Variants in INPP4B observed in about 807,000 individuals in gnomAD.
INPP4B encodes the protein inositol polyphosphate-4-phosphatase type II B, also known as inositol polyphosphate 4-phosphatase type II.
Under a neutral mutation model 122.5 loss-of-function variants are expected in INPP4B, and 55 were observed. The observed-to-expected ratio is 0.45, with a 90% CI of 0.36 to 0.56. The LOEUF (loss-of-function observed/expected upper bound fraction) is 0.56, where lower values mean the gene tolerates loss of function less well. Among genes scored for constraint, INPP4B ranks in the 20% least tolerant of loss-of-function variants. INPP4B has a pLI of 0.00. For missense variants in INPP4B, 1,000 were observed against 1,097.7 expected (o/e 0.91, Z 1.26); for synonymous variants, 403 against 388.7 (o/e 1.04, Z -0.43).
intron 1 of INPP4B, among the ~76,000 whole-genome samples, chr4:142,751,172 A>G (rs747591658): frequency 7.2e-5 from 11 of 151,740 alleles, no homozygotes; most frequent in Non-Finnish European, 1.2e-4. Flanking sequence ...TAGGGGCATT[A>G]GTCAAATGAT....
At chr4:142,617,980 G>A (rs1744071723) in intron 2 of INPP4B, among the ~76,000 whole-genome samples, 1 of 152,016 alleles carries the variant, frequency 6.6e-6, no homozygotes, top group Non-Finnish European at 1.5e-5. Flanking sequence ...TCATACTTAA[G>A]AAGCATTATG....
At position 142,333,952 on chromosome 4, in the gene INPP4B, T is replaced by C. The variant is rs11724564; in HGVS notation, c.373-19190A>G. Among the ~76,000 whole-genome samples the C allele has an allele frequency of 3.9e-3, 590 of 152,334 alleles. 3 individuals are homozygous for C. The highest frequency in any genetic ancestry group is 6.1e-3 in the Non-Finnish European group (418 of 68,026). Reference sequence around the variant, plus strand: ...GTATTGTTAGCTATTTTCACTATGCTGCACATTTGATCCCCAGAACTTATT... The same window carrying C: ...GTATTGTTAGCTATTTTCACTATGCCGCACATTTGATCCCCAGAACTTATT... On this transcript the variant is annotated intron_variant, in intron 7 of 25. Transcript: ENST00000262992.
intron 1 of INPP4B, 83 bp from the exon 2 acceptor site, chr4:142,725,984 A>G (rs1765302668): frequency 5.1e-6 from 2 of 394,358 alleles, no homozygotes; most frequent in African/African-American, 2.1e-5. Flanking sequence ...ATTCATTAGT[A>G]ATAAAGGTCA....
chr4:142,313,086 C>T (rs552976225), intron 8 of INPP4B, among the ~76,000 whole-genome samples: 59 of 151,930 alleles, frequency 3.9e-4, no homozygotes, highest in African/African-American at 1.3e-3. Flanking sequence ...AAGTCTAGCC[C>T]GTAGGGGGAA....
intron 7 of INPP4B, among the ~76,000 whole-genome samples, chr4:142,397,045 C>G (rs572013177): frequency 5.3e-5 from 8 of 152,250 alleles, no homozygotes; most frequent in African/African-American, 1.9e-4. Context: ...TGGAACAGAA[C>G]AGTTAAGATT....
intron 25 of INPP4B, among the ~76,000 whole-genome samples, chr4:142,036,527 T>G (rs1028136167): frequency 2.6e-5 from 4 of 152,206 alleles, no homozygotes; most frequent in African/African-American, 7.2e-5. Flanking sequence ...TATCTTAGAA[T>G]GGTCCTTATT....
intron 7 of INPP4B, among the ~76,000 whole-genome samples, chr4:142,363,835 G>A (rs1163028938): frequency 6.6e-6 from 1 of 152,056 alleles, no homozygotes; most frequent in Non-Finnish European, 1.5e-5. Flanking sequence ...ATAAGTAGGG[G>A]AAGGTAGGTT....
At chr4:142,251,826 G>T (rs925423041) in intron 11 of INPP4B, among the ~76,000 whole-genome samples, 1 of 152,140 alleles carries the variant, frequency 6.6e-6, no homozygotes, top group Non-Finnish European at 1.5e-5. Flanking sequence ...TCATTTAGGG[G>T]TTATGTATTT....
chr4:142,323,008 C>G (rs1443614227), intron 7 of INPP4B, among the ~76,000 whole-genome samples: 1 of 152,312 alleles, frequency 6.6e-6, no homozygotes, highest in South Asian at 2.1e-4. Flanking sequence ...CAAACTAGCT[C>G]TAAGTCCTAT....
At chr4:142,513,305 G>T (rs1045732717) in intron 2 of INPP4B, among the ~76,000 whole-genome samples, 1 of 152,258 alleles carries the variant, frequency 6.6e-6, no homozygotes, top group Non-Finnish European at 1.5e-5. Context: ...GTGTTAGGGG[G>T]AAAGCTGGGA....
At chr4:142,228,333 A>T (rs569740163) in intron 12 of INPP4B, among the ~76,000 whole-genome samples, 40 of 152,200 alleles carry the variant, frequency 2.6e-4, no homozygotes, top group East Asian at 2.3e-3. Flanking sequence ...TTACTTTTTT[A>T]AAAAAATGCA....
intron 12 of INPP4B, among the ~76,000 whole-genome samples, chr4:142,219,986 T>C (rs527746391): frequency 6.6e-6 from 1 of 152,336 alleles, no homozygotes; most frequent in East Asian, 1.9e-4. Context: ...ACTAGGTATA[T>C]TTCAAATGTT....
At chr4:142,683,380 T>A (rs1204614403) in intron 2 of INPP4B, among the ~76,000 whole-genome samples, 1 of 151,772 alleles carries the variant, frequency 6.6e-6, no homozygotes, top group Admixed American at 6.6e-5. Context: ...GTGTACAAAA[T>A]GAGCATGGTC....
chr4:142,701,958 A>G (rs542484966), intron 2 of INPP4B, among the ~76,000 whole-genome samples: 2 of 152,322 alleles, frequency 1.3e-5, no homozygotes, highest in East Asian at 3.9e-4. Context: ...CATTTATTAC[A>G]TATTATGAGA....
chr4:142,624,120 T>C (rs1366904836), intron 2 of INPP4B, among the ~76,000 whole-genome samples: 1 of 150,458 alleles, frequency 6.6e-6, no homozygotes, highest in Non-Finnish European at 1.5e-5. Flanking sequence ...TATTTCTAGT[T>C]CTAGATCTCT....
chr4:142,687,636 GGGTT>G (rs1759557599), intron 2 of INPP4B, among the ~76,000 whole-genome samples: 1 of 151,892 alleles, frequency 6.6e-6, no homozygotes, highest in Non-Finnish European at 1.5e-5. Flanking sequence ...TGAGTTGTGC[GGGTT>G]CTGCAGGGCA....
chr4:142,422,130 C>G (rs559307104), intron 5 of INPP4B, among the ~76,000 whole-genome samples: 1 of 152,132 alleles, frequency 6.6e-6, no homozygotes, highest in South Asian at 2.1e-4. Context: ...AACTCAGACT[C>G]CTGGGTTCAA....
intron 18 of INPP4B, among the ~76,000 whole-genome samples, chr4:142,136,122 C>A (rs775770862): frequency 1.3e-5 from 2 of 152,044 alleles, no homozygotes; most frequent in Non-Finnish European, 2.9e-5. Flanking sequence ...CTCTTTTTTG[C>A]CATACTCCCT....
Position 142,594,933 on chromosome 4 carries a change from C to T in INPP4B, c.-191+130906G>A, listed in dbSNP as rs574792409. On this transcript the variant is annotated intron_variant, in intron 2 of 25. Transcript: ENST00000262992. ...TCGCGTCACTGCACTCCAGCCTGGG[C>T]GACAGGGTGAGACTCTGTCTCAAAA... is the stretch of plus-strand genomic sequence containing the variant. Among the ~76,000 whole-genome samples the T allele has an allele frequency of 4.2e-5, 5 of 120,040 alleles. No individual in the cohort carries two copies. In the East Asian group the frequency reaches 7.4e-4, roughly 18 times the overall value. 78.8% of individuals were successfully genotyped at this position (120,040 alleles called of 152,430 possible).
Sources: gnomAD v4.1 joint callset for allele counts (sites outside exome capture counted in the v4.1 genomes callset) on GRCh38, gnomAD v4.1.1 for gene constraint, MANE v1.5 for transcripts, NCBI Gene and HGNC (gene_info 2026-07-23, HGNC 2026-07-21) for gene names.